CCDC88C: variants seen among roughly 807,000 people sequenced by gnomAD.
CCDC88C encodes protein Daple.
A neutral mutation model predicts 198.8 loss-of-function variants in CCDC88C; 131 were observed. The ratio of observed to expected loss-of-function variants is 0.66; its 90% CI spans 0.57 to 0.76. CCDC88C has a LOEUF of 0.76. Among genes scored for constraint, CCDC88C ranks in the 30% least tolerant of loss-of-function variants. The probability of loss-of-function intolerance (pLI) is 0.00; values close to 1 mark genes in which losing one functional copy is unlikely to be tolerated. For missense variants in CCDC88C, 2,553 were observed against 2,631.6 expected, an observed-to-expected ratio of 0.97 and a Z score of 0.65; for synonymous variants, 1,166 against 1,114.7, an observed-to-expected ratio of 1.05 and a Z score of -0.92.
chr14:91,290,567 A>G (rs546963161), intron 24 of CCDC88C, among the ~76,000 whole-genome samples: 13 of 152,346 alleles, frequency 8.5e-5, no homozygotes, highest in Admixed American at 5.9e-4. Context: ...AAAAATCTGC[A>G]TAAGGTCAAA....
At chr14:91,343,709 C>T in intron 4 of CCDC88C, 52 bp from the exon 5 acceptor site, 1 of 1,608,850 alleles carries the variant, frequency 6.2e-7, no homozygotes, top group Non-Finnish European at 8.5e-7. Flanking sequence ...GATATAATTT[C>T]AGTGACATGT....
intron 21 of CCDC88C, among the ~76,000 whole-genome samples, chr14:91,298,214 C>T (rs1891100973): frequency 1.3e-5 from 2 of 152,058 alleles, no homozygotes; most frequent in African/African-American, 4.8e-5. Context: ...GAGGGAGGAT[C>T]GCTTGAGGCC....
chr14:91,311,822 T>A (rs919179085), intron 15 of CCDC88C, among the ~76,000 whole-genome samples: 4 of 152,202 alleles, frequency 2.6e-5, no homozygotes, highest in African/African-American at 9.7e-5. Flanking sequence ...TTCACACTCT[T>A]TGACCCTGTA....
chr14:91,279,501 A>G, intron 27 of CCDC88C, 195 bp from the exon 28 acceptor site: 1 of 531,174 alleles, frequency 1.9e-6, no homozygotes, highest in Non-Finnish European at 3.4e-6. Context: ...TGCTGGGCAC[A>G]GCACAAGCAG....
chr14:91,340,091 A>G, intron 6 of CCDC88C, 67 bp from the exon 7 acceptor site: 12 of 1,568,774 alleles, frequency 7.6e-6, no homozygotes, highest in Non-Finnish European at 1.0e-5. Flanking sequence ...CTCACACTGC[A>G]AACAGCATCC....
rs1408937502 is a variant in CCDC88C, at chr14:91,338,895, A to C, written c.810-325T>G. ...ACAGGTGACATCCATCAGCTGCAGG[A>C]AACCTGGGAGAACAGGCTCACCAGA... On this transcript the variant is annotated intron_variant, in intron 8 of 29. Coordinates refer to ENST00000389857, the MANE Select transcript of CCDC88C (RefSeq NM_001080414.4). This position sits in a 1 kb window ranked among gnomAD's most constrained non-coding sequence, Gnocchi z 4.8. 9 of 477,042 alleles carry C rather than the reference A, an allele frequency of 1.9e-5. No homozygotes were observed. The highest frequency in any genetic ancestry group is 3.5e-5 in the Non-Finnish European group (9 of 259,830). 29.6% of individuals were successfully genotyped at this position (477,042 alleles called of 1,614,324 possible).
intron 16 of CCDC88C, among the ~76,000 whole-genome samples, chr14:91,309,609 CAAAAA>C (rs376702299): frequency 8.7e-6 from 1 of 114,422 alleles, no homozygotes; most frequent in Non-Finnish European, 1.8e-5. Flanking sequence ...GACCCTGTCT[CAAAAA>C]AAAAAAAAAA....
At chr14:91,287,208 T>C (rs974955793) in intron 25 of CCDC88C, among the ~76,000 whole-genome samples, 13 of 152,212 alleles carry the variant, frequency 8.5e-5, no homozygotes, top group East Asian at 5.8e-4. Context: ...AGAACCCCTC[T>C]AGCTTAAAAA....
intron 14 of CCDC88C, among the ~76,000 whole-genome samples, chr14:91,314,924 C>T (rs1892025953): frequency 6.6e-6 from 1 of 152,162 alleles, no homozygotes; most frequent in Non-Finnish European, 1.5e-5. Context: ...ATCACTTGAG[C>T]CCAGGAGTTC....
intron 13 of CCDC88C, among the ~76,000 whole-genome samples, chr14:91,317,032 C>T (rs1477911486): frequency 6.6e-6 from 1 of 152,226 alleles, no homozygotes; most frequent in Non-Finnish European, 1.5e-5. Context: ...GGCTGCATGT[C>T]TTCACATGAG....
chr14:91,308,630 ACGAGC>A, intron 16 of CCDC88C, 138 bp from the exon 17 acceptor site: 1 of 870,644 alleles, frequency 1.1e-6, no homozygotes, highest in South Asian at 1.6e-5. Context: ...AGAAGAACTC[ACGAGC>A]CAAAACTCAT....
intron 17 of CCDC88C, among the ~76,000 whole-genome samples, chr14:91,307,853 A>G (rs112758893): frequency 9.9e-4 from 150 of 152,280 alleles, no homozygotes; most frequent in Non-Finnish European, 1.5e-3. Flanking sequence ...GTACATGTGT[A>G]AGGAGCATGT....
chr14:91,369,703 G>A (rs1366230249), intron 3 of CCDC88C, among the ~76,000 whole-genome samples: 2 of 152,154 alleles, frequency 1.3e-5, no homozygotes, highest in African/African-American at 2.4e-5. Flanking sequence ...TCGGGGCGGG[G>A]AGTCCTGGCA....
chr14:91,392,016 C>G (rs772045281), intron 3 of CCDC88C, among the ~76,000 whole-genome samples: 2 of 152,080 alleles, frequency 1.3e-5, no homozygotes, highest in Non-Finnish European at 2.9e-5. Flanking sequence ...TGAACATACA[C>G]TTGGATCTCA....
intron 4 of CCDC88C, among the ~76,000 whole-genome samples, chr14:91,354,230 C>G (rs1567094536): frequency 6.6e-6 from 1 of 152,230 alleles, no homozygotes; most frequent in Non-Finnish European, 1.5e-5. Context: ...TCCAGTGCAA[C>G]TGTCCTGTGA....
Position 91,288,423 on chromosome 14 carries a change from T to C in CCDC88C, c.4441+682A>G, listed in dbSNP as rs371788479. On this transcript the variant is annotated intron_variant, in intron 25 of 29. Transcript: ENST00000389857. This position sits in a 1 kb window ranked among gnomAD's most constrained non-coding sequence, Gnocchi z 4.2. The stretch of plus-strand genomic sequence containing the variant: ...CACCCAAGGCTTTCGGGAGGTCTTA[T>C]ATACATGGAGAACGTGTTGAGTGCA... Among the ~76,000 whole-genome samples, 4 of 152,218 alleles carry C rather than the reference T, an allele frequency of 2.6e-5. No homozygotes were observed. Among genetic ancestry groups the C allele is most frequent in the African/African-American group, 4.8e-5 (2 of 41,464 alleles).
At chr14:91,280,940 C>A (rs1890171580) in intron 27 of CCDC88C, among the ~76,000 whole-genome samples, 1 of 152,102 alleles carries the variant, frequency 6.6e-6, no homozygotes, top group Non-Finnish European at 1.5e-5. Flanking sequence ...ATTTTCTCAC[C>A]CTTGTAGGGT....
rs1890512244 is a variant in CCDC88C at position 91,288,430 on chromosome 14, GGA to G, written c.4441+673_4441+674del. ...GGCTTTCGGGAGGTCTTATATACAT[GGA>G]GAACGTGTTGAGTGCACCTGGGATC... On this transcript the variant is annotated intron_variant, in intron 25 of 29. Transcript: ENST00000389857. The surrounding 1 kb of genome is among the most constrained non-coding windows in gnomAD (Gnocchi z 4.2). 6.6e-6 allele frequency among the ~76,000 whole-genome samples: 1 copy of G among 152,208 alleles called. No individual in the cohort carries two copies. Among genetic ancestry groups the G allele is most frequent in the African/African-American group, 2.4e-5 (1 of 41,458 alleles).
chr14:91,387,629 C>T (rs1168149183), intron 3 of CCDC88C, among the ~76,000 whole-genome samples: 1 of 152,166 alleles, frequency 6.6e-6, no homozygotes, highest in Non-Finnish European at 1.5e-5. Context: ...AGGCCTCCTC[C>T]CGTCGCTCTG....
Sources: allele counts gnomAD v4.1 joint callset (sites outside exome capture counted in the v4.1 genomes callset), GRCh38; gene constraint gnomAD v4.1.1; non-coding constraint Gnocchi (gnomAD v3.1); transcripts MANE v1.5; gene names NCBI Gene and HGNC (gene_info 2026-07-23, HGNC 2026-07-21).